The following PNPLA8 variants were observed in gnomAD, a reference collection of about 807,000 sequenced individuals.
The protein encoded by PNPLA8 is calcium-independent phospholipase A2-gamma.
PNPLA8 carries 39 observed loss-of-function variants against 76.9 expected under a neutral mutation model. The ratio of observed to expected loss-of-function variants is 0.51; its 90% confidence interval spans 0.39 to 0.66. The LOEUF is 0.66. Ranked by LOEUF, PNPLA8 falls within the 30% of genes least tolerant of loss-of-function variation. The probability of loss-of-function intolerance (pLI) is 0.00; values close to 1 mark genes in which losing one functional copy is unlikely to be tolerated. For missense variants in PNPLA8, 887 were observed against 918.0 expected, an observed-to-expected ratio of 0.97 and a Z score of 0.44; for synonymous variants, 301 against 307.9, an observed-to-expected ratio of 0.98 and a Z score of 0.24.
chr7:108,488,044 C>T (rs1860874629), intron 8 of PNPLA8, 91 bp from the exon 9 acceptor site: 1 of 623,716 alleles, frequency 1.6e-6, no homozygotes, highest in African/African-American at 1.9e-5. Flanking sequence ...TATGAATGAA[C>T]AATCTACAAC....
chr7:108,497,552 G>A lies in PNPLA8; in HGVS notation c.1384C>T (p.Arg462Ter), dbSNP rs762607088. 1.9e-6 allele frequency: 3 copies of A among 1,610,742 alleles called. No homozygotes were observed. Among genetic ancestry groups the A allele is most frequent in the South Asian group, 1.1e-5 (1 of 90,710 alleles). Residue 462 changes from arginine to a stop codon, truncating the protein, a stop_gained, in exon 6 of 11, where the codon CGA (arginine) becomes TGA (stop). Transcript: ENST00000257694. LOFTEE classifies it high-confidence loss of function. ...TTCTGAGTAAGTTCAACTAATTTTC[G>A]TAGGGTCTGGAGAGCAACCACGCCC... is the stretch of plus-strand genomic sequence containing the variant. ...TRGVVALQTL[R>*]KLVELTQKPV... is the part of the protein sequence containing the mutation.
At chr7:108,507,733 G>T (rs1479613124) in intron 4 of PNPLA8, among the ~76,000 whole-genome samples, 1 of 152,116 alleles carries the variant, frequency 6.6e-6, no homozygotes, top group African/African-American at 2.4e-5. Context: ...TTTAATCACT[G>T]AGGCAGCTAT....
intron 5 of PNPLA8, among the ~76,000 whole-genome samples, chr7:108,498,004 A>AG (rs967598921): frequency 1.3e-4 from 19 of 151,064 alleles, no homozygotes; most frequent in Non-Finnish European, 2.2e-4. Flanking sequence ...TTCTACAGAA[A>AG]AAAAAAAAAA....
chr7:108,509,796 G>GA (rs1862756422), intron 4 of PNPLA8, among the ~76,000 whole-genome samples: 1 of 146,184 alleles, frequency 6.8e-6, no homozygotes, highest in African/African-American at 2.5e-5. Flanking sequence ...AACAATGATA[G>GA]ACTGGATTAA....
chr7:108,528,159 C>T (rs578119446), upstream of PNPLA8: 3 of 152,340 alleles, frequency 2.0e-5, no homozygotes, highest in South Asian at 6.2e-4. Flanking sequence ...GGCTTTCATC[C>T]TTGCTCTTCA....
chr7:108,493,849 A>G (rs1861375977), intron 7 of PNPLA8, among the ~76,000 whole-genome samples: 1 of 152,114 alleles, frequency 6.6e-6, no homozygotes, highest in Non-Finnish European at 1.5e-5. Context: ...AAATTGTGTA[A>G]AAGAATAATG....
chr7:108,500,109 T>C (rs562462020), intron 5 of PNPLA8, among the ~76,000 whole-genome samples: 4 of 152,322 alleles, frequency 2.6e-5, no homozygotes, highest in African/African-American at 9.6e-5. Context: ...TTTTGTTTGC[T>C]CACTGTCCCC....
At chr7:108,489,505 A>G (rs1860987032) in intron 8 of PNPLA8, among the ~76,000 whole-genome samples, 2 of 152,218 alleles carry the variant, frequency 1.3e-5, no homozygotes, top group Non-Finnish European at 2.9e-5. Flanking sequence ...CTTTAAAAAT[A>G]TGCTTTCAAA....
At chr7:108,474,143 T>G (rs1859814337) in intron 10 of PNPLA8, among the ~76,000 whole-genome samples, 1 of 152,222 alleles carries the variant, frequency 6.6e-6, no homozygotes, top group South Asian at 2.1e-4. Context: ...AAAAAGTACC[T>G]TTTAAAGAGC....
Position 108,504,391 on chromosome 7 carries a change from TATGA to T in PNPLA8, c.1207-1753_1207-1750del, listed in dbSNP as rs1226967991. Among the ~76,000 whole-genome samples the T allele has an allele frequency of 9.3e-5, 14 of 151,158 alleles. No individual in the cohort carries two copies. In the South Asian group the frequency reaches 3.0e-3, roughly 32 times the overall value. ...AAATTATCAAAATATATCAGATACC[TATGA>T]ATTAGTTAAATAAAATCATTCCAAT... is the stretch of plus-strand genomic sequence containing the variant. On this transcript the variant is annotated intron_variant, in intron 4 of 10. Coordinates refer to ENST00000257694, the MANE Select transcript of PNPLA8 (RefSeq NM_001256007.3).
chr7:108,471,664 TCTC>T lies in PNPLA8; in HGVS notation c.*734_*736del, dbSNP rs1859640845. The T allele has an allele frequency of 2.0e-5, 3 of 152,336 alleles. No homozygotes were observed. In the South Asian group the frequency reaches 6.2e-4, roughly 32 times the overall value. The allele number at this position is 152,336 out of a possible 1,614,324, so 9.4% of individuals were successfully genotyped here. On this transcript the variant is annotated 3_prime_UTR_variant, in exon 11 of 11. Transcript: ENST00000257694. ...TTTATTTTTGTTAATGATAGGAATATCTCCTCAGTAAGTTCAAACCATTTTATA... is the reference window on the plus strand; with the variant it reads ...TTTATTTTTGTTAATGATAGGAATATCTCAGTAAGTTCAAACCATTTTATA...
intron 10 of PNPLA8, among the ~76,000 whole-genome samples, chr7:108,477,517 G>A: frequency 6.6e-6 from 1 of 152,076 alleles, no homozygotes; most frequent in East Asian, 1.9e-4. Context: ...TTTTAATTTA[G>A]TAAAACGTTT....
intron 10 of PNPLA8, among the ~76,000 whole-genome samples, chr7:108,473,950 C>G (rs922014038): frequency 1.3e-5 from 2 of 152,058 alleles, no homozygotes; most frequent in Non-Finnish European, 2.9e-5. Context: ...ACCGATCCAC[C>G]CAAAGTGCTG....
chr7:108,514,234 T>C lies in PNPLA8; in HGVS notation c.1116A>G (p.Arg372=), dbSNP rs771666578. Residue 372 remains arginine, a synonymous_variant, in exon 4 of 11, where the codon AGA becomes AGG. Transcript: ENST00000257694. ...TAATGCAGAGCTTTGGGTCAGTTGT[T>C]CTTCTTAATGCCTGAACTAATGCCC... ...RTRALVQALR[R]TTDPKLCITR... is the part of the protein sequence containing the mutation. The C allele has an allele frequency of 9.3e-6, 15 of 1,610,736 alleles. No homozygotes were observed. The highest frequency in any genetic ancestry group is 1.2e-5 in the Non-Finnish European group (14 of 1,177,002).
chr7:108,483,633 T>C (rs778079716), intron 9 of PNPLA8, among the ~76,000 whole-genome samples: 3 of 152,228 alleles, frequency 2.0e-5, no homozygotes, highest in Non-Finnish European at 4.4e-5. Context: ...GAATATACCA[T>C]AGTTTATCCA....
chr7:108,503,733 C>G (rs1862130003), intron 4 of PNPLA8, among the ~76,000 whole-genome samples: 1 of 152,152 alleles, frequency 6.6e-6, no homozygotes, highest in Non-Finnish European at 1.5e-5. Flanking sequence ...TATAGCTTTT[C>G]TTCCCTTGAG....
intron 2 of PNPLA8, among the ~76,000 whole-genome samples, chr7:108,516,385 G>C (rs1863345921): frequency 6.6e-6 from 1 of 152,132 alleles, no homozygotes; most frequent in African/African-American, 2.4e-5. Flanking sequence ...CTTAACAAAT[G>C]ACAACTGACA....
chr7:108,479,098 C>T lies in PNPLA8; in HGVS notation c.2074+86G>A, dbSNP rs144640090. 131 of 826,172 alleles carry T rather than the reference C, an allele frequency of 1.6e-4. No individual in the cohort carries two copies. In the African/African-American group the frequency reaches 1.8e-3, roughly 12 times the overall value. 51.2% of individuals were successfully genotyped at this position (826,172 alleles called of 1,614,324 possible). ...TCCACAATACAGACATATCATATGC[C>T]TTTGCAGTTAGGACCAACAAATGCC... On this transcript the variant is annotated intron_variant, in intron 10 of 10. Coordinates refer to ENST00000257694, the MANE Select transcript of PNPLA8 (RefSeq NM_001256007.3).
intron 9 of PNPLA8, chr7:108,480,701 A>T (rs1415836894): frequency 2.4e-6 from 1 of 420,900 alleles, no homozygotes; most frequent in African/African-American, 2.0e-5. Flanking sequence ...TATGGTGCAT[A>T]CAACCTTGTA....
Sources: allele counts gnomAD v4.1 joint callset (sites outside exome capture counted in the v4.1 genomes callset), GRCh38; gene constraint gnomAD v4.1.1; transcripts MANE v1.5; gene names NCBI Gene and HGNC (gene_info 2026-07-23, HGNC 2026-07-21).